Variants in CCDC126 observed in about 807,000 individuals in gnomAD.
The protein encoded by CCDC126 is coiled-coil domain containing 126.
A neutral mutation model predicts 11.7 loss-of-function variants in CCDC126; 5 were observed. The observed-to-expected ratio is 0.43, with a 90% CI of 0.22 to 0.90. The LOEUF (loss-of-function observed/expected upper bound fraction) is 0.90. Among genes scored for constraint, CCDC126 ranks in the 40% least tolerant of loss-of-function variants. The pLI is 0.27. For synonymous variants in CCDC126, 60 were observed against 61.9 expected (o/e 0.97, Z 0.14); for missense variants, 150 against 163.1 (o/e 0.92, Z 0.44).
At chr7:23,617,076 C>T (rs970431104) in intron 3 of CCDC126, among the ~76,000 whole-genome samples, 19 of 151,882 alleles carry the variant, frequency 1.3e-4, no homozygotes, top group African/African-American at 2.7e-4. Context: ...GGGCTGGGCG[C>T]GGTGGCTCAC....
chr7:23,632,093 GTTTTTT>G (rs200021592), intron 3 of CCDC126, among the ~76,000 whole-genome samples: 2 of 134,734 alleles, frequency 1.5e-5, no homozygotes, highest in Non-Finnish European at 3.2e-5. Flanking sequence ...CACCAAGTGG[GTTTTTT>G]TTTTTTTTTT....
chr7:23,612,896 A>G (rs911139916), intron 3 of CCDC126, among the ~76,000 whole-genome samples: 3 of 152,156 alleles, frequency 2.0e-5, no homozygotes, highest in Admixed American at 2.0e-4. Context: ...TCTTATCATG[A>G]CATGTTCTTT....
intron 3 of CCDC126, among the ~76,000 whole-genome samples, chr7:23,613,873 T>A (rs1782755629): frequency 6.6e-6 from 1 of 152,220 alleles, no homozygotes; most frequent in South Asian, 2.1e-4. Flanking sequence ...CTCTTAAGTG[T>A]GCAGTAGCAT....
chr7:23,640,688 G>A (rs11762463), intron 3 of CCDC126, among the ~76,000 whole-genome samples: 28,001 of 151,818 alleles, frequency 0.18, 2,967 homozygotes, highest in Non-Finnish European at 0.25. Flanking sequence ...CTTTCTGTCT[G>A]TATACATATG....
chr7:23,604,302 A>G (rs781549557), intron 2 of CCDC126: 1 of 152,232 alleles, frequency 6.6e-6, no homozygotes, highest in Non-Finnish European at 1.5e-5. Flanking sequence ...CTGGGTAAAT[A>G]AAATTATCAT....
intron 3 of CCDC126, among the ~76,000 whole-genome samples, chr7:23,638,421 A>G (rs1287323193): frequency 1.2e-5 from 1 of 83,588 alleles, no homozygotes; most frequent in African/African-American, 5.7e-5. Context: ...CTTATCTCCA[A>G]CCCTGTGCTC....
intron 3 of CCDC126, among the ~76,000 whole-genome samples, chr7:23,623,502 A>G (rs1204150987): frequency 6.6e-6 from 1 of 151,812 alleles, no homozygotes; most frequent in Non-Finnish European, 1.5e-5. Context: ...AGGCTGAGGC[A>G]GGAGAGTCAC....
At position 23,611,226 on chromosome 7, in the gene CCDC126, TA is replaced by T. The variant is rs138814230; in HGVS notation, c.-89del. On this transcript the variant is annotated 5_prime_UTR_variant, in exon 3 of 4. Transcript: ENST00000307471. ...GATGAAGAATATACAATATTGAGGA[TA>T]TTTTTTTCTTTTTTTTTTCAAGTCT... The T allele has an allele frequency of 3.1e-3, 2,362 of 773,278 alleles. 43 individuals carry two copies. In the African/African-American group the frequency reaches 0.035, roughly 11 times the overall value. 47.9% of individuals were successfully genotyped at this position (773,278 alleles called of 1,614,324 possible). A position where few individuals can be genotyped will look rare whatever the true frequency, so the allele number is the denominator to read the frequency against.
chr7:23,633,758 G>T (rs1216400837), intron 3 of CCDC126, among the ~76,000 whole-genome samples: 2 of 152,282 alleles, frequency 1.3e-5, no homozygotes, highest in Non-Finnish European at 1.5e-5. Flanking sequence ...GTAGGCTGAG[G>T]TGGGAGGACC....
chr7:23,635,461 A>G (rs1010499), intron 3 of CCDC126, among the ~76,000 whole-genome samples: 118,346 of 152,182 alleles, frequency 0.78, 46,372 homozygotes, highest in African/African-American at 0.87. Context: ...TAAAGATGTC[A>G]TCTCATGACA....
chr7:23,617,381 G>GA (rs372545648), intron 3 of CCDC126, among the ~76,000 whole-genome samples: 20 of 142,676 alleles, frequency 1.4e-4, no homozygotes, highest in East Asian at 2.0e-4. Context: ...AAAAGAAAAG[G>GA]AAAAAAAAAG....
chr7:23,638,501 C>G (rs960622385), intron 3 of CCDC126, among the ~76,000 whole-genome samples: 11 of 113,092 alleles, frequency 9.7e-5, no homozygotes, highest in African/African-American at 3.7e-4. Context: ...CTTTGTTAAA[C>G]AGATGCTTGA....
chr7:23,621,792 G>C (rs905151507), intron 3 of CCDC126, among the ~76,000 whole-genome samples: 4 of 152,142 alleles, frequency 2.6e-5, no homozygotes, highest in African/African-American at 9.7e-5. Context: ...TAGCATGAAG[G>C]CCTGTTGAAT....
chr7:23,630,372 G>A lies in CCDC126; in HGVS notation c.239-12559G>A, dbSNP rs569539652. 5.9e-5 allele frequency among the ~76,000 whole-genome samples: 9 copies of A among 152,148 alleles called. No individual in the cohort carries two copies. The South Asian group carries it at 6.2e-4, about 11-fold the overall frequency. On this transcript the variant is annotated intron_variant, in intron 3 of 3. Transcript: ENST00000307471. ...AAATTAGCTGCTTGTGGTTGTGCACGCCTGTAATTCCAGCTACTCAGGAGG... is the reference window on the plus strand; with the variant it reads ...AAATTAGCTGCTTGTGGTTGTGCACACCTGTAATTCCAGCTACTCAGGAGG...
At chr7:23,628,024 T>A (rs550925737) in intron 3 of CCDC126, among the ~76,000 whole-genome samples, 3 of 152,314 alleles carry the variant, frequency 2.0e-5, no homozygotes, top group African/African-American at 7.2e-5. Context: ...TTAATTCATT[T>A]TAAAAATATA....
At chr7:23,607,801 C>A (rs1782645479) in intron 2 of CCDC126, among the ~76,000 whole-genome samples, 1 of 152,214 alleles carries the variant, frequency 6.6e-6, no homozygotes, top group Admixed American at 6.5e-5. Flanking sequence ...CAATCCCCTT[C>A]ACCCCTTCCC....
chr7:23,600,318 C>T (rs1217720621), intron 2 of CCDC126, among the ~76,000 whole-genome samples: 2 of 150,256 alleles, frequency 1.3e-5, no homozygotes, highest in African/African-American at 2.5e-5. Flanking sequence ...TCTCTCAAGG[C>T]AGTGCATTTT....
At chr7:23,605,450 AAAT>A (rs1562828559) in intron 2 of CCDC126, among the ~76,000 whole-genome samples, 2 of 150,898 alleles carry the variant, frequency 1.3e-5, no homozygotes, top group Non-Finnish European at 3.0e-5. Context: ...TGTGGTAAAA[AAAT>A]ACATAATCTA....
At chr7:23,621,200 C>T (rs1187580375) in intron 3 of CCDC126, among the ~76,000 whole-genome samples, 2 of 152,216 alleles carry the variant, frequency 1.3e-5, no homozygotes, top group Admixed American at 1.3e-4. Flanking sequence ...ATTGATTCTT[C>T]CTATCCATGA....
Sources: gnomAD v4.1 joint callset for allele counts (sites outside exome capture counted in the v4.1 genomes callset) on GRCh38, gnomAD v4.1.1 for gene constraint, MANE v1.5 for transcripts, NCBI Gene and HGNC (gene_info 2026-07-23, HGNC 2026-07-21) for gene names.